SH2D4A: variants seen among roughly 807,000 people sequenced by gnomAD.
The protein encoded by SH2D4A is SH2 domain containing 4A.
SH2D4A carries 70 observed loss-of-function variants against 64.7 expected under a neutral mutation model. The observed-to-expected ratio is 1.08, with a 90% confidence interval of 0.89 to 1.32. The LOEUF (loss-of-function observed/expected upper bound fraction) is 1.32. Among genes scored for constraint, SH2D4A ranks in the 40% most tolerant of loss-of-function variants. The pLI is 0.00. For missense variants in SH2D4A, 706 were observed against 540.1 expected (o/e 1.31, Z -3.04); for synonymous variants, 268 against 200.7 (o/e 1.34, Z -2.83).
intron 4 of SH2D4A, among the ~76,000 whole-genome samples, chr8:19,338,216 G>T (rs1030111536): frequency 2.6e-5 from 4 of 152,184 alleles, no homozygotes; most frequent in African/African-American, 9.7e-5. Context: ...CCATTTTAGA[G>T]AGACAGACCC....
intron 3 of SH2D4A, 146 bp from the exon 4 acceptor site, chr8:19,334,540 C>G (rs2052413719): frequency 2.5e-6 from 2 of 787,380 alleles, no homozygotes; most frequent in South Asian, 4.0e-5. Flanking sequence ...CTTTACACAC[C>G]TAGCAAAGGG....
chr8:19,352,559 G>A (rs2052721961), intron 4 of SH2D4A, among the ~76,000 whole-genome samples: 1 of 152,226 alleles, frequency 6.6e-6, no homozygotes, highest in Non-Finnish European at 1.5e-5. Flanking sequence ...TCCAGCAGCT[G>A]TAAGAATTTC....
intron 7 of SH2D4A, among the ~76,000 whole-genome samples, chr8:19,365,231 T>A (rs879543479): frequency 3.3e-5 from 5 of 152,140 alleles, no homozygotes; most frequent in Non-Finnish European, 7.3e-5. Context: ...AAGGCGGATG[T>A]TTTTCTTTGC....
intron 7 of SH2D4A, among the ~76,000 whole-genome samples, chr8:19,371,083 T>A (rs771095655): frequency 5.5e-4 from 84 of 152,278 alleles, no homozygotes; most frequent in Non-Finnish European, 6.3e-4. Flanking sequence ...ATTAAAGTTA[T>A]TTTTGATAGT....
Position 19,393,425 on chromosome 8 carries a change from C to T in SH2D4A, c.1156C>T (p.Leu386=), listed in dbSNP as rs1414223603. 2.5e-6 allele frequency: 4 copies of T among 1,614,230 alleles called. No homozygotes were observed. Among genetic ancestry groups the T allele is most frequent in the South Asian group, 2.2e-5 (2 of 91,090 alleles). Residue 386 remains leucine, a synonymous_variant, in exon 9 of 10, where the codon CTG becomes TTG. Coordinates refer to ENST00000265807, the MANE Select transcript of SH2D4A (RefSeq NM_022071.4). ...ERIKGYALSY[L]SEDGCKHFLI... ...GATCAAAGGCTATGCCCTGTCCTAT[C>T]TGTCGGAGGACGGCTGTAAACATTT...
chr8:19,339,495 C>CTTTTTT lies in SH2D4A; in HGVS notation c.513+4651_513+4656dup, dbSNP rs5889867. ...CACTTTCCTCTTCCCTATAAACTTT[C>CTTTTTT]TTTTTTTTTTTTTTTTTTCTTTTTG... is the stretch of plus-strand genomic sequence containing the variant. On this transcript the variant is annotated intron_variant, in intron 4 of 9. Transcript: ENST00000265807. Among the ~76,000 whole-genome samples the CTTTTTT allele has an allele frequency of 9.9e-4, 128 of 128,946 alleles. 2 individuals carry two copies. Among genetic ancestry groups the CTTTTTT allele is most frequent in the East Asian group, 1.6e-3 (7 of 4,382 alleles). 84.6% of individuals were successfully genotyped at this position (128,946 alleles called of 152,430 possible). A position where few individuals can be genotyped will look rare whatever the true frequency, so the allele number is the denominator to read the frequency against.
intron 7 of SH2D4A, among the ~76,000 whole-genome samples, chr8:19,366,364 G>T (rs2052994268): frequency 6.6e-6 from 1 of 152,130 alleles, no homozygotes; most frequent in African/African-American, 2.4e-5. Context: ...ACTGTTGACT[G>T]TGGTTACCGT....
chr8:19,356,954 A>C (rs796302774), intron 4 of SH2D4A, among the ~76,000 whole-genome samples: 4 of 152,206 alleles, frequency 2.6e-5, no homozygotes, highest in African/African-American at 9.7e-5. Context: ...AAATATACCA[A>C]ACCACCAGCT....
At chr8:19,314,254 G>C (rs1207470371) in intron 1 of SH2D4A, among the ~76,000 whole-genome samples, 1 of 152,204 alleles carries the variant, frequency 6.6e-6, no homozygotes, top group Non-Finnish European at 1.5e-5. Context: ...GGCTGGCCTA[G>C]AGTTTCTAGA....
intron 2 of SH2D4A, among the ~76,000 whole-genome samples, chr8:19,324,693 C>T (rs900104806): frequency 6.6e-6 from 1 of 152,186 alleles, no homozygotes; most frequent in African/African-American, 2.4e-5. Flanking sequence ...GGGTGCCTCA[C>T]ACTGCACTGG....
intron 7 of SH2D4A, among the ~76,000 whole-genome samples, chr8:19,368,669 A>G (rs1397489661): frequency 7.2e-6 from 1 of 139,522 alleles, no homozygotes; most frequent in African/African-American, 2.6e-5. Flanking sequence ...GATGCTACTG[A>G]TTTTTGTAAG....
chr8:19,352,479 A>G (rs1252811467), intron 4 of SH2D4A, among the ~76,000 whole-genome samples: 4 of 152,208 alleles, frequency 2.6e-5, no homozygotes, highest in Non-Finnish European at 5.9e-5. Flanking sequence ...ATAAATATTC[A>G]TGGCAGTTTT....
chr8:19,314,108 C>A, intron 1 of SH2D4A: 1 of 504,390 alleles, frequency 2.0e-6, no homozygotes, highest in Non-Finnish European at 2.6e-6. Context: ...GGCCTGGGGG[C>A]TTGCAGGGGG....
chr8:19,317,807 G>A (rs1278822475), intron 1 of SH2D4A, among the ~76,000 whole-genome samples: 2 of 152,166 alleles, frequency 1.3e-5, no homozygotes, highest in African/African-American at 4.8e-5. Flanking sequence ...TTTGAACATA[G>A]TATGGAGAAA....
chr8:19,352,948 T>A (rs1334660223), intron 4 of SH2D4A, among the ~76,000 whole-genome samples: 1 of 152,128 alleles, frequency 6.6e-6, no homozygotes, highest in Non-Finnish European at 1.5e-5. Context: ...AAGTTGAGGC[T>A]GCAGTGAGCC....
At position 19,315,128 on chromosome 8, in the gene SH2D4A, G is replaced by T. The variant is rs375228822; in HGVS notation, c.-205+1305G>T. Among the ~76,000 whole-genome samples, 13 of 151,722 alleles carry T rather than the reference G, an allele frequency of 8.6e-5. No individual in the cohort carries two copies. In the East Asian group the frequency reaches 1.6e-3, roughly 18 times the overall value. ...GGCCATGTAAAACACAATAACTTTTGCACCGACCTAATGTTTTTAATTTTT... is the reference window on the plus strand; with the variant it reads ...GGCCATGTAAAACACAATAACTTTTTCACCGACCTAATGTTTTTAATTTTT... On this transcript the variant is annotated intron_variant, in intron 1 of 9. Transcript: ENST00000265807.
chr8:19,352,156 A>G (rs1268855621), intron 4 of SH2D4A, among the ~76,000 whole-genome samples: 2 of 152,222 alleles, frequency 1.3e-5, no homozygotes, highest in African/African-American at 4.8e-5. Flanking sequence ...GCAGTTTGAA[A>G]AGTGAACATA....
chr8:19,357,103 C>G, intron 4 of SH2D4A, 100 bp from the exon 5 acceptor site: 1 of 904,992 alleles, frequency 1.1e-6, no homozygotes, highest in South Asian at 1.5e-5. Context: ...TCTGTAGGGG[C>G]GGGGGCAGCA....
Position 19,394,596 on chromosome 8 carries a change from G to C in SH2D4A, c.1319G>C (p.Cys440Ser). Reference protein sequence around the residue: ...SLGKELLLYPCGQQDQLPDYL... With the variant: ...SLGKELLLYPSGQQDQLPDYL... ...GGGAAGGAGCTCCTTCTCTATCCCT[G>C]TGGTCAGCAGGACCAGCTGCCTGAC... The change falls in exon 10 of 10, where the codon TGT becomes TCT. Residue 440 changes from cysteine to serine, a missense_variant. Transcript: ENST00000265807. The C allele has an allele frequency of 1.9e-6, 3 of 1,608,612 alleles. No homozygotes were observed. The highest frequency in any genetic ancestry group is 2.5e-6 in the Non-Finnish European group (3 of 1,177,114).
Sources: allele counts gnomAD v4.1 joint callset (sites outside exome capture counted in the v4.1 genomes callset), GRCh38; gene constraint gnomAD v4.1.1; transcripts MANE v1.5; gene names NCBI Gene and HGNC (gene_info 2026-07-23, HGNC 2026-07-21).